The following MALRD1 variants were observed in gnomAD, a reference collection of about 807,000 sequenced individuals.
MALRD1 encodes the protein MAM and LDL receptor class A domain containing 1, also known as MAM and LDL-receptor class A domain-containing protein 1.
MALRD1 carries 247 observed loss-of-function variants against 242.1 expected under a neutral mutation model. The observed-to-expected ratio is 1.02, with a 90% CI of 0.92 to 1.13. MALRD1 has a LOEUF of 1.13. MALRD1 is among the 50% of genes most tolerant of loss of function. The pLI, the probability that MALRD1 is intolerant of heterozygous loss-of-function variation, is 0.00. For missense variants in MALRD1, 2,989 were observed against 2,533.1 expected, an observed-to-expected ratio of 1.18 and a Z score of -3.86; for synonymous variants, 995 against 866.6, an observed-to-expected ratio of 1.15 and a Z score of -2.60.
chr10:19,581,205 CTTTA>C (rs139388555), intron 33 of MALRD1, among the ~76,000 whole-genome samples: 74,595 of 148,896 alleles, frequency 0.5, 18,591 homozygotes, highest in Non-Finnish European at 0.53. Flanking sequence ...TTCTTGTAAT[CTTTA>C]TTTATTTATT....
chr10:19,360,107 A>G (rs1844826177), intron 26 of MALRD1, among the ~76,000 whole-genome samples: 2 of 152,278 alleles, frequency 1.3e-5, no homozygotes, highest in Middle Eastern at 6.8e-3. Flanking sequence ...AATTGCCTCT[A>G]GGATCTAGCA....
rs1254914667 is a variant in MALRD1 at position 19,280,120 on chromosome 10, A to T, written c.3153A>T (p.Thr1051=). 21 of 1,545,798 alleles carry T rather than the reference A, an allele frequency of 1.4e-5. No individual in the cohort carries two copies. Among genetic ancestry groups the T allele is most frequent in the Non-Finnish European group, 1.8e-5 (21 of 1,145,406 alleles). Residue 1051 remains threonine (T), a synonymous_variant, in exon 20 of 40, where the codon ACA becomes ACT. Coordinates refer to ENST00000454679, the MANE Select transcript of MALRD1 (RefSeq NM_001142308.3). ...TAACATTACCTCCACACAACTGCAC[A>T]GACAATGAATTTATCTGCAGGTCTG... ...VPVTLPPHNC[T]DNEFICRSDG... is the part of the protein sequence containing the mutation.
intron 32 of MALRD1, among the ~76,000 whole-genome samples, chr10:19,558,617 A>G (rs749202504): frequency 2.0e-5 from 3 of 152,122 alleles, no homozygotes; most frequent in Admixed American, 2.0e-4. Flanking sequence ...CTTTTCTTCC[A>G]TTGCTGAATT....
intron 13 of MALRD1, among the ~76,000 whole-genome samples, chr10:19,171,637 TACAC>T (rs61575769): frequency 0.18 from 18,301 of 104,256 alleles, 3,007 homozygotes; most frequent in Admixed American, 0.27. Flanking sequence ...TGTATATAAA[TACAC>T]ACACACATAT....
At chr10:19,094,654 GA>G (rs1299525569) in intron 4 of MALRD1, among the ~76,000 whole-genome samples, 9 of 152,128 alleles carry the variant, frequency 5.9e-5, no homozygotes, top group African/African-American at 1.9e-4. Flanking sequence ...TTTCCTTCCA[GA>G]CTTTTCTCAT....
At chr10:19,716,916 A>G (rs1244542775) in intron 38 of MALRD1, 1 of 152,208 alleles carries the variant, frequency 6.6e-6, no homozygotes, top group African/African-American at 2.4e-5. Context: ...AAAACAAAAA[A>G]CAAAACAAAA....
chr10:19,616,913 G>A (rs568305442), intron 36 of MALRD1, among the ~76,000 whole-genome samples: 3 of 151,928 alleles, frequency 2.0e-5, no homozygotes, highest in Admixed American at 1.3e-4. Context: ...TTCTCAACAT[G>A]TCAACAAAAT....
At chr10:19,424,552 C>G (rs900386550) in intron 28 of MALRD1, among the ~76,000 whole-genome samples, 44 of 152,244 alleles carry the variant, frequency 2.9e-4, no homozygotes, top group African/African-American at 1.1e-3. Context: ...AAAACATACA[C>G]TAATATGAGA....
rs117554590 is a variant in MALRD1 at position 19,548,099 on chromosome 10, A to G, written c.5478+16748A>G. ...CACTGCAACCTCCACCTCCCAGTTC[A>G]GGCAATTCTCCTGCCTCAGCCTGCC... is the stretch of plus-strand genomic sequence containing the variant. On this transcript the variant is annotated intron_variant, in intron 32 of 39. Transcript: ENST00000454679. 6.9e-3 allele frequency among the ~76,000 whole-genome samples: 983 copies of G among 142,542 alleles called. 18 individuals carry two copies. The highest frequency in any genetic ancestry group is 0.061 in the East Asian group (294 of 4,820). 93.5% of individuals were successfully genotyped at this position (142,542 alleles called of 152,430 possible). A position where few individuals can be genotyped will look rare whatever the true frequency, so the allele number is the denominator to read the frequency against.
Position 19,059,847 on chromosome 10 carries a change from TC to T in MALRD1, c.200-6871del, listed in dbSNP as rs1203371647. 1.1e-4 allele frequency among the ~76,000 whole-genome samples: 16 copies of T among 152,338 alleles called. No individual in the cohort carries two copies. In the East Asian group the frequency reaches 3.1e-3, roughly 29 times the overall value. The stretch of plus-strand genomic sequence containing the variant: ...TAAGCGGATTCATTTTCTTTCTTTC[TC>T]ATTTCTATGTTTTTTCCCAAACCAA... On this transcript the variant is annotated intron_variant, in intron 1 of 39. Coordinates refer to ENST00000454679, the MANE Select transcript of MALRD1 (RefSeq NM_001142308.3).
Position 19,643,466 on chromosome 10 carries a change from T to C in MALRD1, c.6137+27543T>C, listed in dbSNP as rs557903701. ...CGTCTCAAAAAAAAATGTTTAAGCA[T>C]TCATGAATAAGACTGTGTTTATTAT... On this transcript the variant is annotated intron_variant, in intron 36 of 39. Transcript: ENST00000454679. Among the ~76,000 whole-genome samples, 18 of 152,242 alleles carry C rather than the reference T, an allele frequency of 1.2e-4. No individual in the cohort carries two copies. In the South Asian group the frequency reaches 3.5e-3, roughly 30 times the overall value.
intron 18 of MALRD1, among the ~76,000 whole-genome samples, chr10:19,233,863 G>A (rs1391247837): frequency 2.0e-5 from 3 of 151,502 alleles, no homozygotes; most frequent in Non-Finnish European, 2.9e-5. Context: ...TTTTTAATGG[G>A]GGAGTGTTGC....
intron 24 of MALRD1, among the ~76,000 whole-genome samples, chr10:19,345,530 G>T (rs1006556793): frequency 6.6e-6 from 1 of 151,786 alleles, no homozygotes; most frequent in Non-Finnish European, 1.5e-5. Context: ...TATACTACAA[G>T]AGGTTATAAG....
chr10:19,412,629 G>T (rs1833322640), intron 28 of MALRD1, among the ~76,000 whole-genome samples: 1 of 152,212 alleles, frequency 6.6e-6, no homozygotes, highest in African/African-American at 2.4e-5. Context: ...TAGCCCTATA[G>T]TGAAGAATTG....
At chr10:19,517,780 A>T (rs1039879104) in intron 31 of MALRD1, among the ~76,000 whole-genome samples, 2 of 152,168 alleles carry the variant, frequency 1.3e-5, no homozygotes, top group African/African-American at 4.8e-5. Context: ...GAGGAGCTCA[A>T]ATTTAAGAGA....
intron 36 of MALRD1, among the ~76,000 whole-genome samples, chr10:19,662,024 T>G (rs1369509587): frequency 1.3e-5 from 2 of 152,250 alleles, no homozygotes; most frequent in South Asian, 2.1e-4. Context: ...TGACACATAC[T>G]CCTTCATTTT....
chr10:19,205,087 T>C lies in MALRD1; in HGVS notation c.2400T>C (p.Tyr800=). The stretch of plus-strand genomic sequence containing the variant: ...TAGATAAAGTCAGTCTGGGCATTTA[T>C]GATGGGGTCTCAGCTATTGATGACA... ...LSLDKVSLGI[Y]DGVSAIDDIR... is the part of the protein sequence containing the mutation. The change falls in exon 17 of 40, where the codon TAT becomes TAC. Residue 800 remains tyrosine (Y), a synonymous_variant. Transcript: ENST00000454679. 1 of 1,550,724 alleles carries C rather than the reference T, an allele frequency of 6.4e-7. No homozygotes were observed. Among genetic ancestry groups the C allele is most frequent in the Non-Finnish European group, 8.7e-7 (1 of 1,147,008 alleles).
At chr10:19,237,922 T>C (rs1838450920) in intron 18 of MALRD1, among the ~76,000 whole-genome samples, 2 of 69,814 alleles carry the variant, frequency 2.9e-5, no homozygotes, top group South Asian at 6.0e-4. Context: ...TTATATATAA[T>C]TATATGTAAT....
At chr10:19,602,399 A>G (rs1423072322) in intron 34 of MALRD1, among the ~76,000 whole-genome samples, 2 of 137,966 alleles carry the variant, frequency 1.4e-5, no homozygotes, top group Non-Finnish European at 3.0e-5. Context: ...CCTGTGTCCA[A>G]GTGTTCTCAT....
Sources: gnomAD v4.1 joint callset for allele counts (sites outside exome capture counted in the v4.1 genomes callset) on GRCh38, gnomAD v4.1.1 for gene constraint, MANE v1.5 for transcripts, NCBI Gene and HGNC (gene_info 2026-07-23, HGNC 2026-07-21) for gene names.